Variants in FAM118B observed in about 807,000 individuals in gnomAD.
FAM118B encodes the protein SIR2 antiphage like 1.
A neutral mutation model predicts 38.5 loss-of-function variants in FAM118B; 24 were observed. That is an observed-to-expected ratio of 0.62 (90% CI 0.45 to 0.88). The LOEUF is 0.88. Among genes scored for constraint, FAM118B ranks in the 40% least tolerant of loss-of-function variants. The pLI, the probability that FAM118B is intolerant of heterozygous loss-of-function variation, is 0.00. For missense variants in FAM118B, 334 were observed against 420.0 expected (o/e 0.80, Z 1.79); for synonymous variants, 138 against 156.3 (o/e 0.88, Z 0.87).
intron 7 of FAM118B, among the ~76,000 whole-genome samples, chr11:126,257,537 CAT>C (rs557748260): frequency 3.7e-4 from 55 of 148,624 alleles, no homozygotes; most frequent in African/African-American, 1.3e-3. Flanking sequence ...AAGTTAGAGA[CAT>C]ATGAGTAAAG....
intron 1 of FAM118B, among the ~76,000 whole-genome samples, chr11:126,224,233 G>A (rs1321879110): frequency 1.3e-5 from 2 of 152,100 alleles, no homozygotes; most frequent in Admixed American, 1.3e-4. Context: ...AGCACTTTGG[G>A]AGAGTGAGGC....
At chr11:126,254,696 G>A (rs1049325927) in intron 6 of FAM118B, among the ~76,000 whole-genome samples, 1 of 152,172 alleles carries the variant, frequency 6.6e-6, no homozygotes, top group Non-Finnish European at 1.5e-5. Context: ...TAGGCATCAT[G>A]GTGCATGCTG....
chr11:126,223,324 G>A (rs1950091137), intron 1 of FAM118B, among the ~76,000 whole-genome samples: 1 of 152,166 alleles, frequency 6.6e-6, no homozygotes, highest in Admixed American at 6.6e-5. Flanking sequence ...GCTGGGGCCG[G>A]GTGTGGTGGC....
intron 3 of FAM118B, among the ~76,000 whole-genome samples, chr11:126,238,090 G>A (rs923103928): frequency 2.0e-5 from 3 of 152,016 alleles, no homozygotes; most frequent in African/African-American, 7.2e-5. Context: ...GGCCGGGTGC[G>A]GTGGCTCACG....
At chr11:126,217,148 C>T (rs1949990038) in intron 1 of FAM118B, among the ~76,000 whole-genome samples, 1 of 152,242 alleles carries the variant, frequency 6.6e-6, no homozygotes, top group Non-Finnish European at 1.5e-5. Flanking sequence ...CGGGTAGCCT[C>T]AGCCAGGAAT....
chr11:126,259,833 G>T (rs893360363), intron 7 of FAM118B, among the ~76,000 whole-genome samples: 5 of 151,710 alleles, frequency 3.3e-5, no homozygotes, highest in African/African-American at 7.3e-5. Flanking sequence ...CCATTCTCCT[G>T]CCTCAGTCTC....
At chr11:126,257,035 A>G (rs949676401) in intron 7 of FAM118B, among the ~76,000 whole-genome samples, 183 bp downstream of exon 7, 1 of 152,252 alleles carries the variant, frequency 6.6e-6, no homozygotes, top group Admixed American at 6.5e-5. Context: ...GAAGACAGAC[A>G]AAAAGGAATA....
intron 2 of FAM118B, among the ~76,000 whole-genome samples, chr11:126,230,995 C>T (rs1950200282): frequency 6.6e-6 from 1 of 152,186 alleles, no homozygotes; most frequent in Admixed American, 6.5e-5. Flanking sequence ...AACACTCGCC[C>T]TTTTTCCTTT....
intron 7 of FAM118B, 183 bp from the exon 8 acceptor site, chr11:126,261,242 C>T (rs1389396639): frequency 1.4e-5 from 8 of 578,406 alleles, no homozygotes; most frequent in Non-Finnish European, 1.9e-5. Flanking sequence ...TTAGGTAATG[C>T]AAGTCTAAAG....
intron 1 of FAM118B, chr11:126,214,197 A>G (rs1053895667): frequency 1.3e-5 from 2 of 151,832 alleles, no homozygotes; most frequent in African/African-American, 4.8e-5. Context: ...AAAATACAAA[A>G]AAAAAATTAG....
intron 1 of FAM118B, among the ~76,000 whole-genome samples, chr11:126,219,394 GTC>G (rs1950032342): frequency 1.8e-5 from 1 of 54,692 alleles, no homozygotes; most frequent in Non-Finnish European, 3.3e-5. Context: ...TTTTTTGAGA[GTC>G]TCTCTCTGTT....
intron 2 of FAM118B, among the ~76,000 whole-genome samples, chr11:126,229,686 C>T (rs1006685405): frequency 6.6e-6 from 1 of 152,144 alleles, no homozygotes; most frequent in Non-Finnish European, 1.5e-5. Context: ...CACGATCCAC[C>T]CACCTCGGTC....
chr11:126,219,930 G>A (rs1023315546), intron 1 of FAM118B, among the ~76,000 whole-genome samples: 1 of 151,476 alleles, frequency 6.6e-6, no homozygotes, highest in East Asian at 1.9e-4. Context: ...ATTGAAGGAA[G>A]AATTTTTTTT....
chr11:126,212,092 C>A (rs886245486), intron 1 of FAM118B, among the ~76,000 whole-genome samples: 2 of 152,234 alleles, frequency 1.3e-5, no homozygotes, highest in African/African-American at 4.8e-5. Context: ...ATCCGCCAGT[C>A]CCCTGCGGGA....
chr11:126,257,271 CA>C (rs1471603771), intron 7 of FAM118B, among the ~76,000 whole-genome samples: 2 of 152,122 alleles, frequency 1.3e-5, no homozygotes, highest in Non-Finnish European at 2.9e-5. Flanking sequence ...CAAAAATTTT[CA>C]AATCTTTGAC....
intron 1 of FAM118B, among the ~76,000 whole-genome samples, chr11:126,224,102 T>C (rs1181974979): frequency 6.6e-6 from 1 of 152,208 alleles, no homozygotes; most frequent in East Asian, 1.9e-4. Flanking sequence ...ACTTTTAGAC[T>C]ATATCCATAA....
At chr11:126,234,153 A>G (rs1231938589) in intron 2 of FAM118B, among the ~76,000 whole-genome samples, 1 of 152,190 alleles carries the variant, frequency 6.6e-6, no homozygotes, top group Admixed American at 6.6e-5. Flanking sequence ...TCAGTTCTAT[A>G]TGTTGCCAGT....
Position 126,256,355 on chromosome 11 carries a change from A to G in FAM118B, c.697-212A>G, listed in dbSNP as rs1950579058. On this transcript the variant is annotated intron_variant, in intron 6 of 8. Transcript: ENST00000533050. This position sits in a 1 kb window ranked among gnomAD's most constrained non-coding sequence, Gnocchi z 6.6. ...CTATGAAACGCTGATTAGAGAGCCTACAGAAGAATGGCAGGTAAAGATAAA... is the reference window on the plus strand; with the variant it reads ...CTATGAAACGCTGATTAGAGAGCCTGCAGAAGAATGGCAGGTAAAGATAAA... 6.6e-6 allele frequency among the ~76,000 whole-genome samples: 1 copy of G among 152,262 alleles called. No individual in the cohort carries two copies. Among genetic ancestry groups the G allele is most frequent in the Non-Finnish European group, 1.5e-5 (1 of 68,048 alleles).
intron 2 of FAM118B, among the ~76,000 whole-genome samples, chr11:126,229,721 G>T (rs761491890): frequency 6.6e-6 from 1 of 152,176 alleles, no homozygotes; most frequent in Non-Finnish European, 1.5e-5. Flanking sequence ...GATTGCAGGC[G>T]TGAGCCACCG....
Sources: gnomAD v4.1 joint callset for allele counts (sites outside exome capture counted in the v4.1 genomes callset) on GRCh38, gnomAD v4.1.1 for gene constraint, Gnocchi (gnomAD v3.1) non-coding constraint, MANE v1.5 for transcripts, NCBI Gene and HGNC (gene_info 2026-07-23, HGNC 2026-07-21) for gene names.